The following PAPPA variants were observed in gnomAD, a reference collection of about 807,000 sequenced individuals.
The protein encoded by PAPPA is pappalysin 1.
Under a neutral mutation model 164.0 loss-of-function variants are expected in PAPPA, and 60 were observed. The observed-to-expected ratio is 0.37, with a 90% CI of 0.30 to 0.45. PAPPA has a LOEUF of 0.45. Ranked by LOEUF, PAPPA falls within the 20% of genes least tolerant of loss-of-function variation. The pLI is 1.00. For synonymous variants in PAPPA, 875 were observed against 814.1 expected (o/e 1.07, Z -1.27); for missense variants, 1,782 against 2,087.3 (o/e 0.85, Z 2.85).
chr9:116,165,195 C>A (rs1843707734), intron 1 of PAPPA, among the ~76,000 whole-genome samples: 1 of 152,198 alleles, frequency 6.6e-6, no homozygotes, highest in Non-Finnish European at 1.5e-5. Context: ...AGGTCTGGGT[C>A]CACTTGTCTC....
intron 2 of PAPPA, among the ~76,000 whole-genome samples, chr9:116,199,495 A>G (rs752919993): frequency 6.6e-6 from 1 of 152,244 alleles, no homozygotes; most frequent in Non-Finnish European, 1.5e-5. Flanking sequence ...GACACTGCCA[A>G]TGCCTCCTTC....
At position 116,352,829 on chromosome 9, in the gene PAPPA, G is replaced by A. The variant is rs765174536; in HGVS notation, c.4088G>A (p.Arg1363Gln). 31 of 1,613,738 alleles carry A rather than the reference G, an allele frequency of 1.9e-5. No homozygotes were observed. Among genetic ancestry groups the A allele is most frequent in the African/African-American group, 4.0e-5 (3 of 74,902 alleles). The change falls in exon 16 of 22, where the codon CGA becomes CAA. Residue 1363 changes from arginine to glutamine, a missense_variant. By Grantham distance (43) the Arg-to-Gln change is conservative (BLOSUM62 1). This residue lies in a region of PAPPA where 1,324 missense variants were observed against 1,656.9 expected (regional missense o/e 0.80). Coordinates refer to ENST00000328252, the MANE Select transcript of PAPPA (RefSeq NM_002581.5). Reference protein sequence around the residue: ...PNADLQTARCRENKHKVGSFC... With the variant: ...PNADLQTARCQENKHKVGSFC... Reference sequence around the variant, plus strand: ...GCAGACCTCCAGACCGCCCGGTGCCGAGAGAATAAGCACAAGGTGGGCTCC... The same window carrying A: ...GCAGACCTCCAGACCGCCCGGTGCCAAGAGAATAAGCACAAGGTGGGCTCC...
chr9:116,166,057 A>G (rs894019619), intron 1 of PAPPA, among the ~76,000 whole-genome samples: 1 of 152,188 alleles, frequency 6.6e-6, no homozygotes, highest in Non-Finnish European at 1.5e-5. Flanking sequence ...TTTAATATCT[A>G]ATGATTCTGG....
At chr9:116,374,401 G>A (rs1056960903) in intron 19 of PAPPA, among the ~76,000 whole-genome samples, 5 of 152,160 alleles carry the variant, frequency 3.3e-5, no homozygotes, top group African/African-American at 1.2e-4. Context: ...CCCCATCTGA[G>A]ATCTCCCAAC....
intron 7 of PAPPA, among the ~76,000 whole-genome samples, chr9:116,263,994 G>A (rs1189473102): frequency 6.6e-6 from 1 of 152,190 alleles, no homozygotes; most frequent in Non-Finnish European, 1.5e-5. Flanking sequence ...CCAGTGGACT[G>A]GGATGTAGTC....
intron 21 of PAPPA, 122 bp from the exon 22 acceptor site, chr9:116,396,387 G>A (rs1014001376): frequency 6.1e-5 from 44 of 720,048 alleles, no homozygotes; most frequent in Non-Finnish European, 8.1e-5. Flanking sequence ...AAGAAGCAGA[G>A]CCATAACTTG....
intron 9 of PAPPA, among the ~76,000 whole-genome samples, chr9:116,292,762 T>C (rs1435020423): frequency 6.6e-6 from 1 of 152,128 alleles, no homozygotes; most frequent in Non-Finnish European, 1.5e-5. Flanking sequence ...ACATAGAGGT[T>C]TTAAAATTTT....
intron 4 of PAPPA, 104 bp from the exon 5 acceptor site, chr9:116,219,833 C>A (rs993993824): frequency 4.5e-6 from 4 of 889,394 alleles, no homozygotes; most frequent in Admixed American, 2.3e-5. Flanking sequence ...TGGCAAGGAA[C>A]GACTTGGGTG....
chr9:116,221,034 T>C (rs1471344274), intron 5 of PAPPA, among the ~76,000 whole-genome samples: 2 of 152,094 alleles, frequency 1.3e-5, no homozygotes, highest in African/African-American at 4.8e-5. Context: ...ACCTCTATTC[T>C]GCTGCCCTGA....
At chr9:116,339,041 G>A (rs902738494) in intron 13 of PAPPA, among the ~76,000 whole-genome samples, 1 of 152,124 alleles carries the variant, frequency 6.6e-6, no homozygotes, top group Admixed American at 6.5e-5. Flanking sequence ...CACCTAACAA[G>A]TTGGGGGCAA....
chr9:116,334,781 C>T (rs542058077), intron 12 of PAPPA, 80 bp from the exon 13 acceptor site: 34 of 1,036,980 alleles, frequency 3.3e-5, no homozygotes, highest in Middle Eastern at 2.1e-4. Context: ...CTGGGGGCTT[C>T]GGGAAGGGCC....
At chr9:116,186,664 G>A (rs1564177102) in intron 1 of PAPPA, among the ~76,000 whole-genome samples, 1 of 152,052 alleles carries the variant, frequency 6.6e-6, no homozygotes. Context: ...CCTTCTAAAT[G>A]AGCATCTTCT....
intron 1 of PAPPA, among the ~76,000 whole-genome samples, chr9:116,171,202 A>G (rs2118590203): frequency 6.6e-6 from 1 of 152,184 alleles, no homozygotes; most frequent in East Asian, 1.9e-4. Context: ...GCTGCTAGTC[A>G]CTTAGCCTCT....
chr9:116,302,802 A>T lies in PAPPA; in HGVS notation c.2999A>T (p.Glu1000Val). The change falls in exon 10 of 22, where the codon GAG (glutamate) becomes GTG (valine). Residue 1000 changes from glutamate to valine, a missense_variant. This residue lies in a region of PAPPA where 1,324 missense variants were observed against 1,656.9 expected (regional missense o/e 0.80). Coordinates refer to ENST00000328252, the MANE Select transcript of PAPPA (RefSeq NM_002581.5). The part of the protein sequence containing the change: ...CYFHDGDGVC[E>V]EFEQKTSIKD... ...TTCCATGATGGTGATGGGGTATGTG[A>T]GGAGTTTGAACAAAAAACCAGCATT... 6.2e-7 allele frequency: 1 copy of T among 1,613,976 alleles called. No individual in the cohort carries two copies.
chr9:116,366,773 T>C (rs1846506282), intron 18 of PAPPA, among the ~76,000 whole-genome samples: 1 of 152,180 alleles, frequency 6.6e-6, no homozygotes, highest in Non-Finnish European at 1.5e-5. Context: ...AATGATCATG[T>C]GACAATTCTG....
intron 4 of PAPPA, among the ~76,000 whole-genome samples, chr9:116,216,896 C>T (rs1215548751): frequency 6.6e-6 from 1 of 152,048 alleles, no homozygotes; most frequent in East Asian, 1.9e-4. Context: ...CGTGCACCAC[C>T]ATGCCCAGCT....
rs372999018 is a variant in PAPPA at position 116,392,360 on chromosome 9, G to T, written c.4777-4149G>T. On this transcript the variant is annotated intron_variant, in intron 21 of 21. Coordinates refer to ENST00000328252, the MANE Select transcript of PAPPA (RefSeq NM_002581.5). ...CACCAACTCACTGACTGGTACTGAG[G>T]CCTGAGACAGGTTAGTTTTGCTTTA... Among the ~76,000 whole-genome samples the T allele has an allele frequency of 5.9e-5, 9 of 152,198 alleles. No homozygotes were observed. In the East Asian group the frequency reaches 1.3e-3, roughly 23 times the overall value.
chr9:116,302,512 A>C (rs183144364), intron 9 of PAPPA, among the ~76,000 whole-genome samples: 35 of 152,100 alleles, frequency 2.3e-4, no homozygotes, highest in Non-Finnish European at 4.0e-4. Context: ...ATTTCCCTTA[A>C]CATGGTGGCC....
chr9:116,300,384 C>T (rs1005207450), intron 9 of PAPPA, among the ~76,000 whole-genome samples: 1 of 151,836 alleles, frequency 6.6e-6, no homozygotes, highest in Non-Finnish European at 1.5e-5. Context: ...CTCAATAAAT[C>T]CTCCCACCTC....
Sources: gnomAD v4.1 joint callset for allele counts (sites outside exome capture counted in the v4.1 genomes callset) on GRCh38, gnomAD v4.1.1 for gene constraint, gnomAD v4.1.1 regional missense constraint, MANE v1.5 for transcripts, NCBI Gene and HGNC (gene_info 2026-07-23, HGNC 2026-07-21) for gene names.